The following SCAMP3 variants were observed in gnomAD, a reference collection of about 807,000 sequenced individuals.
SCAMP3 encodes the protein secretory carrier-associated membrane protein 3.
A neutral mutation model predicts 44.1 loss-of-function variants in SCAMP3; 30 were observed. The observed-to-expected ratio is 0.68, with a 90% confidence interval of 0.51 to 0.92. The LOEUF is 0.92. Ranked by LOEUF, SCAMP3 falls within the 40% of genes least tolerant of loss-of-function variation. The pLI, the probability that SCAMP3 is intolerant of heterozygous loss-of-function variation, is 0.00. For synonymous variants in SCAMP3, 168 were observed against 171.1 expected (o/e 0.98, Z 0.14); for missense variants, 394 against 440.0 (o/e 0.90, Z 0.93).
In SCAMP3 at chr1:155,256,165, T is replaced by C. The variant is rs1672784047; in HGVS notation, c.*108A>G. 1.7e-6 allele frequency: 2 copies of C among 1,179,372 alleles called. No individual in the cohort carries two copies. The highest frequency in any genetic ancestry group is 1.6e-5 in the South Asian group (1 of 64,338). The allele number at this position is 1,179,372 out of a possible 1,614,324, so 73.1% of individuals were successfully genotyped here. A position where few individuals can be genotyped will look rare whatever the true frequency, so the allele number is the denominator to read the frequency against. On this transcript the variant is annotated 3_prime_UTR_variant, in exon 9 of 9. Transcript: ENST00000302631. ...GTCATGGCCATAGGATTGGGAGCAC[T>C]ACGGAGGAGCCATCAGTTAGTGATG...
intron 1 of SCAMP3, 141 bp from the exon 2 acceptor site, chr1:155,261,875 C>A: frequency 1.2e-6 from 1 of 863,194 alleles, no homozygotes; most frequent in Non-Finnish European, 1.9e-6. Context: ...CAACATTTAC[C>A]TCAAATCCAT....
chr1:155,257,430 G>C (rs1377590139), intron 6 of SCAMP3, 44 bp from the exon 7 acceptor site: 1 of 1,607,230 alleles, frequency 6.2e-7, no homozygotes, highest in Admixed American at 1.7e-5. Flanking sequence ...AAGAATTAGA[G>C]CTGAAGGATG....
At chr1:155,261,781 G>A (rs746521009) in intron 1 of SCAMP3, 47 bp from the exon 2 acceptor site, 41 of 1,578,274 alleles carry the variant, frequency 2.6e-5, no homozygotes, top group Middle Eastern at 1.7e-4. Context: ...TGCCACCTAG[G>A]GGAATTCCCA....
chr1:155,258,889 T>G lies in SCAMP3; in HGVS notation c.454A>C (p.Ile152Leu). Residue 152 changes from isoleucine (I) to leucine (L), a missense_variant, in exon 5 of 9, where the codon ATC becomes CTC. Transcript: ENST00000302631. ...CPVQPCFFQDISMEIPQEFQK... is the reference protein window; with the variant it reads ...CPVQPCFFQDLSMEIPQEFQK... Reference sequence around the variant, plus strand: ...AATTCTTGGGGGATCTCCATGGAGATGTCCTGGAAAAAGCAGGGCTGAACT... The same window carrying G: ...AATTCTTGGGGGATCTCCATGGAGAGGTCCTGGAAAAAGCAGGGCTGAACT... The G allele has an allele frequency of 6.2e-7, 1 of 1,613,446 alleles. No individual in the cohort carries two copies. The highest frequency in any genetic ancestry group is 8.5e-7 in the Non-Finnish European group (1 of 1,179,712).
intron 4 of SCAMP3, among the ~76,000 whole-genome samples, chr1:155,259,452 G>A (rs1672898269): frequency 6.6e-6 from 1 of 152,186 alleles, no homozygotes; most frequent in Non-Finnish European, 1.5e-5. Flanking sequence ...TTACAGGCAT[G>A]AGCCCCGGCG....
In SCAMP3 at chr1:155,262,217, G is replaced by A. The variant is rs1672987817; in HGVS notation, c.-66C>T. ...CCCTGCCGCAGCAGTGGCGGTAGCG[G>A]TAGCCCTCAGAGTCCACTTCACTCG... On this transcript the variant is annotated 5_prime_UTR_variant, in exon 1 of 9. Coordinates refer to ENST00000302631, the MANE Select transcript of SCAMP3 (RefSeq NM_005698.4). 6.8e-7 allele frequency: 1 copy of A among 1,470,098 alleles called. No individual in the cohort carries two copies. The highest frequency in any genetic ancestry group is 1.4e-5 in the African/African-American group (1 of 71,962). 91.1% of individuals were successfully genotyped at this position (1,470,098 alleles called of 1,614,324 possible).
intron 1 of SCAMP3, 52 bp from the exon 2 acceptor site, chr1:155,261,786 T>A: frequency 1.3e-6 from 2 of 1,559,872 alleles, no homozygotes; most frequent in Non-Finnish European, 1.8e-6. Flanking sequence ...CCTAGGGGAA[T>A]TCCCAGGGAC....
intron 4 of SCAMP3, among the ~76,000 whole-genome samples, 171 bp downstream of exon 4, chr1:155,260,159 C>T (rs1402162855): frequency 1.3e-5 from 2 of 152,080 alleles, no homozygotes; most frequent in Non-Finnish European, 2.9e-5. Flanking sequence ...AGGGTTTCAC[C>T]ATGTTGGCTA....
intron 1 of SCAMP3, 123 bp from the exon 2 acceptor site, chr1:155,261,857 G>T: frequency 8.5e-6 from 8 of 945,680 alleles, no homozygotes; most frequent in African/African-American, 1.6e-5. Context: ...GTTGTCCCAG[G>T]ACTGGGACAA....
chr1:155,261,341 C>T lies in SCAMP3; in HGVS notation c.144+316G>A, dbSNP rs1335954702. The T allele has an allele frequency of 1.9e-5, 7 of 372,542 alleles. No individual in the cohort carries two copies. The Admixed American group carries it at 2.7e-4, about 14-fold the overall frequency. The allele number at this position is 372,542 out of a possible 1,614,324, so 23.1% of individuals were successfully genotyped here. On this transcript the variant is annotated intron_variant, in intron 2 of 8. Transcript: ENST00000302631. Reference sequence around the variant, plus strand: ...CCTCATTCCTTGCTTTCAAACTGCACACCTAACCTAAACTCCAACCAGCCC... The same window carrying T: ...CCTCATTCCTTGCTTTCAAACTGCATACCTAACCTAAACTCCAACCAGCCC...
chr1:155,258,606 G>A (rs781075317), intron 5 of SCAMP3, among the ~76,000 whole-genome samples: 37 of 151,974 alleles, frequency 2.4e-4, no homozygotes, highest in Middle Eastern at 3.2e-3. Flanking sequence ...AAAGTGCTGG[G>A]ATTACAGGCG....
In SCAMP3 at chr1:155,256,360, A is replaced by G. The variant is rs913567708; in HGVS notation, c.957T>C (p.Ala319=). ...CCGCAGGGTTGGAGAAGACACCAGCAGCAAATTCTTGCTGGGCCTTCTGAA... is the reference window on the plus strand; with the variant it reads ...CCGCAGGGTTGGAGAAGACACCAGCGGCAAATTCTTGCTGGGCCTTCTGAA... ...ASFQKAQQEF[A]AGVFSNPAVR... The change falls in exon 9 of 9, where the codon GCT becomes GCC. Residue 319 remains alanine, a synonymous_variant. Coordinates refer to ENST00000302631, the MANE Select transcript of SCAMP3 (RefSeq NM_005698.4). The G allele has an allele frequency of 1.2e-6, 2 of 1,608,876 alleles. No individual in the cohort carries two copies. Among genetic ancestry groups the G allele is most frequent in the African/African-American group, 2.7e-5 (2 of 74,832 alleles).
chr1:155,262,206 T>C lies in SCAMP3; in HGVS notation c.-55A>G. 1 of 1,517,106 alleles carries C rather than the reference T, an allele frequency of 6.6e-7. No individual in the cohort carries two copies. The highest frequency in any genetic ancestry group is 9.1e-7 in the Non-Finnish European group (1 of 1,099,514). The allele number at this position is 1,517,106 out of a possible 1,614,324, so 94.0% of individuals were successfully genotyped here. A position where few individuals can be genotyped will look rare whatever the true frequency, so the allele number is the denominator to read the frequency against. On this transcript the variant is annotated 5_prime_UTR_variant, in exon 1 of 9. Coordinates refer to ENST00000302631, the MANE Select transcript of SCAMP3 (RefSeq NM_005698.4). ...GCCCTCCACGCCCCTGCCGCAGCAG[T>C]GGCGGTAGCGGTAGCCCTCAGAGTC...
Position 155,262,232 on chromosome 1 carries a change from C to T in SCAMP3, c.-81G>A. On this transcript the variant is annotated 5_prime_UTR_variant, in exon 1 of 9. Coordinates refer to ENST00000302631, the MANE Select transcript of SCAMP3 (RefSeq NM_005698.4). ...GGCGGTAGCGGTAGCCCTCAGAGTC[C>T]ACTTCACTCGCCTCAGTTCGCCCCG... The T allele has an allele frequency of 1.5e-6, 2 of 1,307,762 alleles. No individual in the cohort carries two copies. The highest frequency in any genetic ancestry group is 2.2e-6 in the Non-Finnish European group (2 of 926,852). 81.0% of individuals were successfully genotyped at this position (1,307,762 alleles called of 1,614,324 possible).
chr1:155,257,743 C>G, intron 5 of SCAMP3, 86 bp from the exon 6 acceptor site: 1 of 1,294,158 alleles, frequency 7.7e-7, no homozygotes, highest in South Asian at 1.3e-5. Flanking sequence ...TAATATTCAC[C>G]AAACATGGCA....
rs146018578 is a variant in SCAMP3 at position 155,261,483 on chromosome 1, C to G, written c.144+174G>C. 3.9e-4 allele frequency: 260 copies of G among 664,000 alleles called. 2 individuals are homozygous for G. The African/African-American group carries it at 4.3e-3, about 11-fold the overall frequency. 41.1% of individuals were successfully genotyped at this position (664,000 alleles called of 1,614,324 possible). A position where few individuals can be genotyped will look rare whatever the true frequency, so the allele number is the denominator to read the frequency against. On this transcript the variant is annotated intron_variant, in intron 2 of 8. Transcript: ENST00000302631. ...GCTCAAACCATTTGGGTTGGTGGCC[C>G]TGGTGGCCCTAGAAGGATGAGGCAT...
intron 4 of SCAMP3, among the ~76,000 whole-genome samples, chr1:155,259,551 G>A (rs1016030723): frequency 2.0e-5 from 3 of 151,936 alleles, no homozygotes; most frequent in Non-Finnish European, 2.9e-5. Context: ...ATGTTTTGGA[G>A]GCAGGATCTC....
At chr1:155,261,418 C>A (rs966345341) in intron 2 of SCAMP3, 19 of 568,060 alleles carry the variant, frequency 3.3e-5, no homozygotes, top group Non-Finnish European at 5.7e-5. Context: ...TTGGTTAAGG[C>A]CTTGCCAGCC....
intron 4 of SCAMP3, among the ~76,000 whole-genome samples, chr1:155,259,341 AT>A (rs1368998362): frequency 6.6e-6 from 1 of 151,710 alleles, no homozygotes; most frequent in African/African-American, 2.4e-5. Flanking sequence ...CGCCCAGCTA[AT>A]TTTTGTATTT....
Sources: allele counts gnomAD v4.1 joint callset (sites outside exome capture counted in the v4.1 genomes callset), GRCh38; gene constraint gnomAD v4.1.1; transcripts MANE v1.5; gene names NCBI Gene and HGNC (gene_info 2026-07-23, HGNC 2026-07-21).